The following CNTNAP5 variants were observed in gnomAD, a reference collection of about 807,000 sequenced individuals.
The protein encoded by CNTNAP5 is contactin associated protein family member 5.
A neutral mutation model predicts 150.2 loss-of-function variants in CNTNAP5; 72 were observed. The observed-to-expected ratio is 0.48, with a 90% CI of 0.40 to 0.58. The LOEUF is 0.58. Among genes scored for constraint, CNTNAP5 ranks in the 20% least tolerant of loss-of-function variants. CNTNAP5 has a pLI of 0.00. For synonymous variants in CNTNAP5, 672 were observed against 619.8 expected (o/e 1.08, Z -1.25); for missense variants, 1,636 against 1,626.2 (o/e 1.01, Z -0.10).
intron 13 of CNTNAP5, among the ~76,000 whole-genome samples, chr2:124,675,907 A>G (rs775902655): frequency 3.3e-5 from 5 of 152,162 alleles, no homozygotes; most frequent in Non-Finnish European, 5.9e-5. Flanking sequence ...TGTATGGGCC[A>G]TAATTTCCTG....
At chr2:124,794,353 AG>A (rs1168516756) in intron 18 of CNTNAP5, among the ~76,000 whole-genome samples, 1 of 152,200 alleles carries the variant, frequency 6.6e-6, no homozygotes, top group African/African-American at 2.4e-5. Context: ...ACTCTTTCAC[AG>A]GGAGTCGTGT....
At chr2:124,803,781 C>A (rs1682022668) in intron 19 of CNTNAP5, among the ~76,000 whole-genome samples, 1 of 152,176 alleles carries the variant, frequency 6.6e-6, no homozygotes, top group South Asian at 2.1e-4. Context: ...AGGGAGGGAG[C>A]ATTTTCAAAA....
rs1254923900 is a variant in CNTNAP5, at chr2:124,713,293, CT to C, written c.2078-33933del. Among the ~76,000 whole-genome samples, 542 of 98,780 alleles carry C rather than the reference CT, an allele frequency of 5.5e-3. 14 individuals carry two copies. The highest frequency in any genetic ancestry group is 7.6e-3 in the Non-Finnish European group (347 of 45,818). 64.8% of individuals were successfully genotyped at this position (98,780 alleles called of 152,430 possible). On this transcript the variant is annotated intron_variant, in intron 13 of 23. Coordinates refer to ENST00000682447, the MANE Select transcript of CNTNAP5 (RefSeq NM_001367498.1). ...TCTTTCTTTCTTTCTTTCTTTCTTTCTTTCTTTCTTCTTTCTCTTTCTTTCC... is the reference window on the plus strand; with the variant it reads ...TCTTTCTTTCTTTCTTTCTTTCTTTCTTCTTTCTTCTTTCTCTTTCTTTCC...
intron 13 of CNTNAP5, among the ~76,000 whole-genome samples, chr2:124,654,890 G>C (rs1678407674): frequency 6.6e-6 from 1 of 151,458 alleles, no homozygotes; most frequent in Non-Finnish European, 1.5e-5. Flanking sequence ...ATGACATCTG[G>C]AAGACAAAAT....
intron 1 of CNTNAP5, among the ~76,000 whole-genome samples, chr2:124,137,536 AT>A (rs958182154): frequency 4.6e-5 from 7 of 152,000 alleles, no homozygotes; most frequent in African/African-American, 7.2e-5. Context: ...AATTTTAGAG[AT>A]TTTTTTTCAG....
chr2:124,373,382 A>T (rs1486137128), intron 3 of CNTNAP5, among the ~76,000 whole-genome samples: 3 of 152,178 alleles, frequency 2.0e-5, no homozygotes, highest in Non-Finnish European at 4.4e-5. Context: ...GGGGAATTAT[A>T]AAAGAAACAG....
chr2:124,248,877 T>G (rs1399982620), intron 3 of CNTNAP5, among the ~76,000 whole-genome samples: 10 of 152,198 alleles, frequency 6.6e-5, no homozygotes, highest in Admixed American at 4.6e-4. Context: ...ATCCAACAGC[T>G]GATATCAAAA....
intron 11 of CNTNAP5, among the ~76,000 whole-genome samples, chr2:124,600,572 G>A (rs1054347725): frequency 6.6e-6 from 1 of 152,062 alleles, no homozygotes; most frequent in Non-Finnish European, 1.5e-5. Context: ...GTCTGTTGTG[G>A]GATATGCTGA....
In CNTNAP5 at chr2:124,273,349, G is replaced by A. The variant is rs1248147851; in HGVS notation, c.381+30956G>A. 5.3e-5 allele frequency among the ~76,000 whole-genome samples: 8 copies of A among 152,166 alleles called. No individual in the cohort carries two copies. In the East Asian group the frequency reaches 1.3e-3, roughly 26 times the overall value. On this transcript the variant is annotated intron_variant, in intron 3 of 23. Transcript: ENST00000682447. ...AGTGTTCTGATATGGAACAATAGAT[G>A]AGAAATGGAAATCCTGATAGCTTGA...
intron 1 of CNTNAP5, among the ~76,000 whole-genome samples, chr2:124,075,395 A>T (rs532525819): frequency 2.6e-5 from 4 of 152,224 alleles, no homozygotes; most frequent in East Asian, 3.9e-4. Context: ...TTTTGCCATC[A>T]TCAGTAAGTC....
chr2:124,245,693 ATATACACACAAATATATATT>A (rs1439982537), intron 3 of CNTNAP5, among the ~76,000 whole-genome samples: 55 of 125,678 alleles, frequency 4.4e-4, no homozygotes, highest in Admixed American at 2.7e-3. Context: ...ACAAATATAT[ATATACACACAAATATATATT>A]TATATACACA....
Position 124,305,966 on chromosome 2 carries a change from T to C in CNTNAP5, c.381+63573T>C, listed in dbSNP as rs1688680768. Among the ~76,000 whole-genome samples, 3 of 152,234 alleles carry C rather than the reference T, an allele frequency of 2.0e-5. No individual in the cohort carries two copies. In the South Asian group the frequency reaches 6.2e-4, roughly 32 times the overall value. Reference sequence around the variant, plus strand: ...TATATGTCTCTGCTCAGTTCTCAAATATTGTTTTTAATCAGGTCTCATCTT... The same window carrying C: ...TATATGTCTCTGCTCAGTTCTCAAACATTGTTTTTAATCAGGTCTCATCTT... On this transcript the variant is annotated intron_variant, in intron 3 of 23. Transcript: ENST00000682447.
intron 2 of CNTNAP5, among the ~76,000 whole-genome samples, chr2:124,227,728 A>G (rs1322357464): frequency 6.6e-6 from 1 of 151,318 alleles, no homozygotes; most frequent in African/African-American, 2.4e-5. Context: ...GCTAATTCAA[A>G]GAGTATTTTT....
At position 124,504,415 on chromosome 2, in the gene CNTNAP5, T is replaced by C; in HGVS notation, c.1186T>C (p.Phe396Leu). 1 of 1,613,920 alleles carries C rather than the reference T, an allele frequency of 6.2e-7. No homozygotes were observed. Among genetic ancestry groups the C allele is most frequent in the Non-Finnish European group, 8.5e-7 (1 of 1,179,854 alleles). ...TGATGGGCTCTCAGTGAGTTTCCAG[T>C]TTCGAACATGGAACAAGGATGGTCT... ...QIDGLSVSFQ[F>L]RTWNKDGLLL... The change falls in exon 8 of 24, where the codon TTT becomes CTT. Residue 396 changes from phenylalanine (F) to leucine (L), a missense_variant. Phe to Leu is a conservative substitution (Grantham distance 22). Transcript: ENST00000682447.
chr2:124,180,478 T>C (rs1329433184), intron 1 of CNTNAP5, among the ~76,000 whole-genome samples: 3 of 152,136 alleles, frequency 2.0e-5, no homozygotes. Context: ...GTGTTTCCTG[T>C]TTGCAATCTG....
chr2:124,037,917 TAAAC>T (rs1681269768), intron 1 of CNTNAP5, among the ~76,000 whole-genome samples: 2 of 152,186 alleles, frequency 1.3e-5, no homozygotes, highest in South Asian at 2.1e-4. Flanking sequence ...ACCAATTAAA[TAAAC>T]AATAAAATTT....
chr2:124,792,640 A>G (rs901754309), intron 18 of CNTNAP5, among the ~76,000 whole-genome samples: 1 of 152,176 alleles, frequency 6.6e-6, no homozygotes, highest in Non-Finnish European at 1.5e-5. Flanking sequence ...GAATATTTTC[A>G]TCATCTCAAA....
Position 124,345,091 on chromosome 2 carries a change from A to G in CNTNAP5, c.382-72352A>G, listed in dbSNP as rs528553748. On this transcript the variant is annotated intron_variant, in intron 3 of 23. Transcript: ENST00000682447. The stretch of plus-strand genomic sequence containing the variant: ...GTATTAGTTTCTGAGCTCCAGTGGC[A>G]TGAACTAGCTTAATACACGTGGGAG... Among the ~76,000 whole-genome samples, 5 of 152,334 alleles carry G rather than the reference A, an allele frequency of 3.3e-5. No homozygotes were observed. The South Asian group carries it at 1.0e-3, about 32-fold the overall frequency.
intron 11 of CNTNAP5, among the ~76,000 whole-genome samples, chr2:124,578,156 C>CAA (rs556786620): frequency 6.6e-4 from 46 of 69,450 alleles, no homozygotes; most frequent in African/African-American, 8.3e-4. Flanking sequence ...ACTAAAAATA[C>CAA]AAAAAAAAAA....
Sources: allele counts gnomAD v4.1 joint callset (sites outside exome capture counted in the v4.1 genomes callset), GRCh38; gene constraint gnomAD v4.1.1; transcripts MANE v1.5; gene names NCBI Gene and HGNC (gene_info 2026-07-23, HGNC 2026-07-21).